INPP4B: variants seen among roughly 807,000 people sequenced by gnomAD.
INPP4B encodes the protein inositol polyphosphate 4-phosphatase type II.
In INPP4B, 55 loss-of-function variants were observed where a neutral mutation model predicts 122.5. The observed-to-expected ratio is 0.45, with a 90% CI of 0.36 to 0.56. The LOEUF (loss-of-function observed/expected upper bound fraction) is 0.56. INPP4B is among the 20% of genes least tolerant of loss of function. The pLI is 0.00. For missense variants in INPP4B, 1,000 were observed against 1,097.7 expected (o/e 0.91, Z 1.26); for synonymous variants, 403 against 388.7 (o/e 1.04, Z -0.43).
chr4:142,726,541 G>A (rs1765371057), intron 1 of INPP4B, among the ~76,000 whole-genome samples: 1 of 152,152 alleles, frequency 6.6e-6, no homozygotes, highest in Non-Finnish European at 1.5e-5. Context: ...TAACAATCTT[G>A]AGGAGTATCC....
At chr4:142,706,991 C>T (rs1279625527) in intron 2 of INPP4B, among the ~76,000 whole-genome samples, 5 of 152,160 alleles carry the variant, frequency 3.3e-5, no homozygotes, top group Admixed American at 1.3e-4. Context: ...TATGAATTAT[C>T]AATTCATAAT....
At chr4:142,492,544 G>A (rs898813147) in intron 2 of INPP4B, among the ~76,000 whole-genome samples, 5 of 152,180 alleles carry the variant, frequency 3.3e-5, no homozygotes, top group African/African-American at 4.8e-5. Context: ...AGTTCAGGCT[G>A]AGGTGGTCTC....
At chr4:142,095,805 A>T (rs1242667038) in intron 23 of INPP4B, among the ~76,000 whole-genome samples, 2 of 152,214 alleles carry the variant, frequency 1.3e-5, no homozygotes, top group African/African-American at 4.8e-5. Flanking sequence ...GATCAAATTT[A>T]ACTAGATTGT....
chr4:142,244,039 C>T (rs1860822752), intron 11 of INPP4B, among the ~76,000 whole-genome samples: 1 of 151,876 alleles, frequency 6.6e-6, no homozygotes, highest in South Asian at 2.1e-4. Context: ...TTAGGTATTT[C>T]TCTTAATGCT....
intron 23 of INPP4B, among the ~76,000 whole-genome samples, chr4:142,099,832 T>A (rs542106744): frequency 6.6e-6 from 1 of 152,132 alleles, no homozygotes; most frequent in Non-Finnish European, 1.5e-5. Flanking sequence ...AGATGAACTG[T>A]TTTAACATTC....
chr4:142,576,931 G>A (rs962336200), intron 2 of INPP4B, among the ~76,000 whole-genome samples: 1 of 151,960 alleles, frequency 6.6e-6, no homozygotes, highest in African/African-American at 2.4e-5. Context: ...AGAGTGATGT[G>A]TCCATGTACA....
chr4:142,237,119 T>C (rs1173958620), intron 12 of INPP4B, among the ~76,000 whole-genome samples: 1 of 152,150 alleles, frequency 6.6e-6, no homozygotes, highest in Admixed American at 6.5e-5. Flanking sequence ...TTAATTTTGT[T>C]GTACAATACT....
At chr4:142,273,827 G>A (rs1382489816) in intron 9 of INPP4B, among the ~76,000 whole-genome samples, 1 of 151,656 alleles carries the variant, frequency 6.6e-6, no homozygotes, top group African/African-American at 2.4e-5. Context: ...GAACTTTGTG[G>A]AAAAAACAGA....
chr4:142,815,801 GC>G lies in INPP4B; in HGVS notation c.-254+30407del, dbSNP rs776272958. ...GAAAACACATTTCAAAAATTAAGGT[GC>G]CCTGCTTTAAAGGGTAGGTGAGAAA... On this transcript the variant is annotated intron_variant, in intron 1 of 25. Coordinates refer to ENST00000262992, the MANE Select transcript of INPP4B (RefSeq NM_001101669.3). Among the ~76,000 whole-genome samples, 77 of 152,158 alleles carry G rather than the reference GC, an allele frequency of 5.1e-4. No individual in the cohort carries two copies. The Middle Eastern group carries it at 0.01, about 20-fold the overall frequency.
intron 8 of INPP4B, among the ~76,000 whole-genome samples, chr4:142,314,272 C>A (rs1766649652): frequency 6.6e-6 from 1 of 152,168 alleles, no homozygotes; most frequent in South Asian, 2.1e-4. Flanking sequence ...CAACATTGGA[C>A]TGAACAGTGG....
At position 142,108,206 on chromosome 4, in the gene INPP4B, AG is replaced by A. The variant is rs773880057; in HGVS notation, c.2277-17del. The stretch of plus-strand genomic sequence containing the variant: ...ATCTCCAAACCTACAAACAGAAAAA[AG>A]AAAACAGCTGTGGGTTATAAAACGG... On this transcript the variant is annotated splice_polypyrimidine_tract_variant and intron_variant, in intron 22 of 25. Transcript: ENST00000262992. 1.7e-5 allele frequency: 24 copies of A among 1,407,744 alleles called. No individual in the cohort carries two copies. The South Asian group carries it at 2.8e-4, about 17-fold the overall frequency. The allele number at this position is 1,407,744 out of a possible 1,614,324, so 87.2% of individuals were successfully genotyped here.
intron 7 of INPP4B, among the ~76,000 whole-genome samples, chr4:142,395,205 C>T (rs546926500): frequency 5.3e-5 from 8 of 152,070 alleles, no homozygotes; most frequent in Non-Finnish European, 1.0e-4. Flanking sequence ...TGAAGAGCAT[C>T]AGCAGAGTGC....
Position 142,550,219 on chromosome 4 carries a change from G to A in INPP4B, c.-190-87493C>T, listed in dbSNP as rs142175503. Reference sequence around the variant, plus strand: ...TCTCAGGGTGGAAAATGCTCACTATGTGGTGGGCACAGGAGATTCTATTGT... The same window carrying A: ...TCTCAGGGTGGAAAATGCTCACTATATGGTGGGCACAGGAGATTCTATTGT... On this transcript the variant is annotated intron_variant, in intron 2 of 25. Coordinates refer to ENST00000262992, the MANE Select transcript of INPP4B (RefSeq NM_001101669.3). 5.6e-3 allele frequency among the ~76,000 whole-genome samples: 854 copies of A among 152,274 alleles called. 6 individuals are homozygous for A. The highest frequency in any genetic ancestry group is 0.019 in the African/African-American group (808 of 41,562).
intron 22 of INPP4B, among the ~76,000 whole-genome samples, chr4:142,111,279 A>T (rs953170912): frequency 6.6e-6 from 1 of 152,148 alleles, no homozygotes; most frequent in African/African-American, 2.4e-5. Context: ...GAACTTCTCC[A>T]GTCAGCCCCT....
chr4:142,041,850 C>T (rs930994206), intron 25 of INPP4B, among the ~76,000 whole-genome samples: 4 of 151,890 alleles, frequency 2.6e-5, no homozygotes, highest in Admixed American at 6.6e-5. Flanking sequence ...ATTACAGACA[C>T]ATGTACTGCA....
At chr4:142,652,855 A>G (rs972613180) in intron 2 of INPP4B, among the ~76,000 whole-genome samples, 4 of 152,364 alleles carry the variant, frequency 2.6e-5, no homozygotes, top group Admixed American at 2.0e-4. Flanking sequence ...AGAATTGGAA[A>G]AAACTATTTT....
intron 14 of INPP4B, among the ~76,000 whole-genome samples, chr4:142,201,975 A>G (rs1311570503): frequency 6.6e-6 from 1 of 152,048 alleles, no homozygotes; most frequent in Non-Finnish European, 1.5e-5. Context: ...AATTAGAAAA[A>G]TCTAAGTGGG....
intron 2 of INPP4B, among the ~76,000 whole-genome samples, chr4:142,522,463 ACCT>A: frequency 6.6e-6 from 1 of 150,850 alleles, no homozygotes; most frequent in South Asian, 2.1e-4. Flanking sequence ...TCATGCATCA[ACCT>A]CCTGGGCAGC....
intron 2 of INPP4B, among the ~76,000 whole-genome samples, chr4:142,529,875 A>T (rs1646412728): frequency 6.6e-6 from 1 of 152,102 alleles, no homozygotes; most frequent in Non-Finnish European, 1.5e-5. Flanking sequence ...ATCTCACCAA[A>T]GTTCTGCACT....
Sources: allele counts gnomAD v4.1 joint callset (sites outside exome capture counted in the v4.1 genomes callset), GRCh38; gene constraint gnomAD v4.1.1; transcripts MANE v1.5; gene names NCBI Gene and HGNC (gene_info 2026-07-23, HGNC 2026-07-21).